ZNF343: variants seen among roughly 807,000 people sequenced by gnomAD.
ZNF343 encodes the protein zinc finger protein 343.
In ZNF343, 11 loss-of-function variants were observed where a neutral mutation model predicts 13.8. That is an observed-to-expected ratio of 0.80 (90% CI 0.50 to 1.32). The LOEUF (loss-of-function observed/expected upper bound fraction) is 1.32. ZNF343 is among the 40% of genes most tolerant of loss of function. The pLI, the probability that ZNF343 is intolerant of heterozygous loss-of-function variation, is 0.00. For synonymous variants in ZNF343, 248 were observed against 260.0 expected (o/e 0.95, Z 0.44); for missense variants, 658 against 714.2 (o/e 0.92, Z 0.90).
Position 2,481,928 on chromosome 20 carries a change from G to A in ZNF343, c.*1233C>T, listed in dbSNP as rs1445962725. On this transcript the variant is annotated 3_prime_UTR_variant, in exon 6 of 6. Coordinates refer to ENST00000278772, the MANE Select transcript of ZNF343 (RefSeq NM_024325.6). ...ATCTTCGCTCACATACAGAGTACAT[G>A]GGGGAGTCAAGACATTTCCTGAAAA... is the stretch of plus-strand genomic sequence containing the variant. 1 of 152,160 alleles carries A rather than the reference G, an allele frequency of 6.6e-6. No individual in the cohort carries two copies. Among genetic ancestry groups the A allele is most frequent in the African/African-American group, 2.4e-5 (1 of 41,410 alleles). The allele number at this position is 152,160 out of a possible 1,614,324, so 9.4% of individuals were successfully genotyped here. A position where few individuals can be genotyped will look rare whatever the true frequency, so the allele number is the denominator to read the frequency against.
At chr20:2,514,053 G>A (rs1305601069) in intron 1 of ZNF343, among the ~76,000 whole-genome samples, 3 of 152,116 alleles carry the variant, frequency 2.0e-5, no homozygotes, top group Non-Finnish European at 2.9e-5. Context: ...TTGCCATAAC[G>A]GGATGTCTTA....
chr20:2,493,918 G>T lies in ZNF343; in HGVS notation c.-23C>A. On this transcript the variant is annotated 5_prime_UTR_variant, in exon 3 of 6. Transcript: ENST00000278772. The stretch of plus-strand genomic sequence containing the variant: ...CATGGCGCCAGAGTCAGCCCAGTGT[G>T]TGCCTTGAAATTCTGCCAGAGGTCC... 6.5e-7 allele frequency: 1 copy of T among 1,534,574 alleles called. No individual in the cohort carries two copies. The highest frequency in any genetic ancestry group is 9.0e-7 in the Non-Finnish European group (1 of 1,107,796).
At chr20:2,512,467 A>G (rs1054979927), upstream of ZNF343, among the ~76,000 whole-genome samples, 1 of 152,270 alleles carries the variant, frequency 6.6e-6, no homozygotes, top group Non-Finnish European at 1.5e-5. Context: ...ATAAGGGTAG[A>G]CATAGACCAA....
At chr20:2,485,580 C>T (rs1485442315) in intron 5 of ZNF343, among the ~76,000 whole-genome samples, 1 of 152,226 alleles carries the variant, frequency 6.6e-6, no homozygotes, top group African/African-American at 2.4e-5. Context: ...CCTTAATTAG[C>T]ATAACCATCA....
chr20:2,506,273 A>G (rs940492780), intron 1 of ZNF343, among the ~76,000 whole-genome samples: 2 of 152,206 alleles, frequency 1.3e-5, no homozygotes, highest in African/African-American at 4.8e-5. Context: ...TAGAATGGCG[A>G]TCATTAAAAA....
chr20:2,515,827 G>A (rs1216570917), intron 1 of ZNF343, among the ~76,000 whole-genome samples: 1 of 152,134 alleles, frequency 6.6e-6, no homozygotes, highest in African/African-American at 2.4e-5. Context: ...TGAGAGACAG[G>A]CTCAGGTGAT....
At chr20:2,519,898 T>C (rs893753088) in intron 1 of ZNF343, among the ~76,000 whole-genome samples, 21 of 152,208 alleles carry the variant, frequency 1.4e-4, no homozygotes, top group Non-Finnish European at 4.4e-5. Context: ...CCTAATTTGT[T>C]GTAAGTCACA....
chr20:2,484,430 G>A lies in ZNF343; in HGVS notation c.531C>T (p.Ser177=). Residue 177 remains serine (S), a synonymous_variant, in exon 6 of 6, where the codon TCC becomes TCT. Coordinates refer to ENST00000278772, the MANE Select transcript of ZNF343 (RefSeq NM_024325.6). ...CCTCTGTCCTTGCAGACCAGGGTTT[G>A]GAGCCACCTCCTCTCTCCTGACCTT... ...NAEGQERGGG[S]KPWSARTEER... 1 of 1,614,172 alleles carries A rather than the reference G, an allele frequency of 6.2e-7. No homozygotes were observed. The highest frequency in any genetic ancestry group is 8.5e-7 in the Non-Finnish European group (1 of 1,180,040).
chr20:2,492,608 TA>T, intron 5 of ZNF343, 90 bp downstream of exon 5: 2 of 1,493,946 alleles, frequency 1.3e-6, no homozygotes, highest in South Asian at 1.2e-5. Flanking sequence ...TAATGTGTTG[TA>T]AGTATCTAGA....
At chr20:2,491,573 GA>G (rs1000471851) in intron 5 of ZNF343, among the ~76,000 whole-genome samples, 1 of 151,956 alleles carries the variant, frequency 6.6e-6, no homozygotes, top group African/African-American at 2.4e-5. Context: ...TAAATGGCTA[GA>G]AAAAAGTAAA....
chr20:2,513,993 C>G (rs897178860), intron 1 of ZNF343, among the ~76,000 whole-genome samples: 1 of 152,136 alleles, frequency 6.6e-6, no homozygotes, highest in African/African-American at 2.4e-5. Flanking sequence ...GCAAAATGAC[C>G]ACTTAATGGG....
At chr20:2,503,491 A>G (rs2122700939) in intron 1 of ZNF343, among the ~76,000 whole-genome samples, 1 of 152,304 alleles carries the variant, frequency 6.6e-6, no homozygotes, top group Non-Finnish European at 1.5e-5. Flanking sequence ...TCTACCCCAA[A>G]TCAACAGAAT....
chr20:2,517,289 G>C (rs1238571679), intron 1 of ZNF343, among the ~76,000 whole-genome samples: 1 of 151,780 alleles, frequency 6.6e-6, no homozygotes, highest in African/African-American at 2.4e-5. Context: ...ATTTGTATAT[G>C]TATATGTATA....
At chr20:2,489,224 A>G (rs1204714424) in intron 5 of ZNF343, among the ~76,000 whole-genome samples, 1 of 152,312 alleles carries the variant, frequency 6.6e-6, no homozygotes, top group East Asian at 1.9e-4. Context: ...CTTTGAAATA[A>G]TTTGGCCAGA....
At chr20:2,509,543 T>G (rs1231781877), upstream of ZNF343, among the ~76,000 whole-genome samples, 1 of 152,186 alleles carries the variant, frequency 6.6e-6, no homozygotes, top group African/African-American at 2.4e-5. Flanking sequence ...TCTGGCTCTC[T>G]GGCCTCTTAT....
intron 2 of ZNF343, among the ~76,000 whole-genome samples, chr20:2,496,719 T>C (rs985530545): frequency 5.9e-5 from 9 of 152,064 alleles, no homozygotes; most frequent in African/African-American, 2.2e-4. Flanking sequence ...TTATTGTATG[T>C]CAGTTGTGAG....
At chr20:2,498,559 G>GT (rs1302108027) in intron 2 of ZNF343, among the ~76,000 whole-genome samples, 4 of 152,196 alleles carry the variant, frequency 2.6e-5, no homozygotes, top group African/African-American at 9.7e-5. Context: ...AACAAAGGGA[G>GT]TAAGTGGTAG....
chr20:2,484,461 T>A lies in ZNF343; in HGVS notation c.500A>T (p.Asn167Ile). 3.7e-6 allele frequency: 6 copies of A among 1,614,202 alleles called. No homozygotes were observed. The highest frequency in any genetic ancestry group is 5.1e-6 in the Non-Finnish European group (6 of 1,180,034). ...ACCTCCTCTCTCCTGACCTTCTGCA[T>A]TTTCAAACCAACAGCTTACATGGGA... ...QYSHVSCWFE[N>I]AEGQERGGGS... Residue 167 changes from asparagine (N) to isoleucine (I), a missense_variant, in exon 6 of 6, where the codon AAT (asparagine) becomes ATT (isoleucine). By Grantham distance (149) the Asn-to-Ile change is moderately radical. Transcript: ENST00000278772.
intron 5 of ZNF343, among the ~76,000 whole-genome samples, chr20:2,491,084 A>G (rs1291807338): frequency 6.6e-6 from 1 of 152,216 alleles, no homozygotes. Context: ...CTCCTCCCTG[A>G]AACTGGTTTG....
Sources: allele counts gnomAD v4.1 joint callset (sites outside exome capture counted in the v4.1 genomes callset), GRCh38; gene constraint gnomAD v4.1.1; transcripts MANE v1.5; gene names NCBI Gene and HGNC (gene_info 2026-07-23, HGNC 2026-07-21).